Variants in RNGTT observed in about 807,000 individuals in gnomAD.
The protein encoded by RNGTT is RNA guanylyltransferase and 5'-phosphatase.
RNGTT carries 33 observed loss-of-function variants against 79.3 expected under a neutral mutation model. The observed-to-expected ratio is 0.42, with a 90% CI of 0.32 to 0.56. The LOEUF (loss-of-function observed/expected upper bound fraction) is 0.56. RNGTT is among the 20% of genes least tolerant of loss of function. The pLI is 0.17. For synonymous variants in RNGTT, 222 were observed against 235.9 expected (o/e 0.94, Z 0.54); for missense variants, 497 against 739.1 (o/e 0.67, Z 3.80).
chr6:88,697,411 C>T (rs900608005), intron 13 of RNGTT, among the ~76,000 whole-genome samples: 2 of 151,860 alleles, frequency 1.3e-5, no homozygotes, highest in Non-Finnish European at 2.9e-5. Flanking sequence ...ATTAGCCAGG[C>T]GTGGTGGCGG....
In RNGTT at chr6:88,952,857, G is replaced by A. The variant is rs937978102; in HGVS notation, c.64+10489C>T. Among the ~76,000 whole-genome samples, 7 of 152,244 alleles carry A rather than the reference G, an allele frequency of 4.6e-5. No individual in the cohort carries two copies. In the East Asian group the frequency reaches 1.2e-3, roughly 25 times the overall value. On this transcript the variant is annotated intron_variant, in intron 1 of 15. Coordinates refer to ENST00000369485, the MANE Select transcript of RNGTT (RefSeq NM_003800.5). ...CTCCACAGTGTGACTAGAACCAGAA[G>A]AGCAATAACAATCACACCAATCCAG...
intron 13 of RNGTT, among the ~76,000 whole-genome samples, chr6:88,716,178 AAAG>A (rs1169414791): frequency 6.6e-6 from 1 of 152,184 alleles, no homozygotes; most frequent in Non-Finnish European, 1.5e-5. Flanking sequence ...ACATTTCTCA[AAAG>A]AAGACATTTA....
intron 4 of RNGTT, among the ~76,000 whole-genome samples, chr6:88,924,684 T>C (rs535866408): frequency 6.6e-6 from 1 of 152,112 alleles, no homozygotes; most frequent in African/African-American, 2.4e-5. Flanking sequence ...GTTGTTGTTT[T>C]ATGTTTTATT....
chr6:88,679,100 T>C (rs1027095038), intron 13 of RNGTT, among the ~76,000 whole-genome samples: 7 of 152,094 alleles, frequency 4.6e-5, no homozygotes, highest in African/African-American at 7.2e-5. Flanking sequence ...TGTATGATGA[T>C]GCACCACCAC....
chr6:88,878,654 A>G (rs1392424874), intron 8 of RNGTT, among the ~76,000 whole-genome samples: 1 of 152,174 alleles, frequency 6.6e-6, no homozygotes, highest in East Asian at 1.9e-4. Context: ...AAATAATAAG[A>G]TAGGAGATAA....
chr6:88,956,185 A>C (rs1785425897), intron 1 of RNGTT, among the ~76,000 whole-genome samples: 1 of 152,054 alleles, frequency 6.6e-6, no homozygotes, highest in Admixed American at 6.5e-5. Flanking sequence ...CCGATACAAC[A>C]AAAATATAAA....
intron 13 of RNGTT, among the ~76,000 whole-genome samples, chr6:88,758,116 T>C (rs900690301): frequency 3.9e-5 from 6 of 152,188 alleles, no homozygotes; most frequent in Non-Finnish European, 7.4e-5. Context: ...TTGATAGTCT[T>C]TGTCTCTATA....
At chr6:88,914,778 C>G (rs1209920709) in intron 4 of RNGTT, among the ~76,000 whole-genome samples, 1 of 151,980 alleles carries the variant, frequency 6.6e-6, no homozygotes, top group African/African-American at 2.4e-5. Context: ...ACAAGTGGGA[C>G]ATAATTAAGC....
At chr6:88,840,003 A>G (rs1157948703) in intron 11 of RNGTT, among the ~76,000 whole-genome samples, 1 of 152,216 alleles carries the variant, frequency 6.6e-6, no homozygotes, top group African/African-American at 2.4e-5. Context: ...GATTTTAAAG[A>G]TACACATATG....
At chr6:88,702,186 A>G (rs1363831114) in intron 13 of RNGTT, among the ~76,000 whole-genome samples, 3 of 152,060 alleles carry the variant, frequency 2.0e-5, no homozygotes, top group Non-Finnish European at 4.4e-5. Flanking sequence ...AACTACCATC[A>G]TTTTTCACAG....
intron 14 of RNGTT, among the ~76,000 whole-genome samples, chr6:88,625,744 A>G (rs1772605277): frequency 6.6e-6 from 1 of 151,812 alleles, no homozygotes; most frequent in Non-Finnish European, 1.5e-5. Context: ...AGGTGAATAA[A>G]AACAAAAATA....
chr6:88,728,025 G>A (rs1355972997), intron 13 of RNGTT, among the ~76,000 whole-genome samples: 1 of 152,100 alleles, frequency 6.6e-6, no homozygotes, highest in Non-Finnish European at 1.5e-5. Context: ...TGTTCCTATA[G>A]TGGAAAGGGG....
At chr6:88,908,253 C>T (rs959406003) in intron 4 of RNGTT, among the ~76,000 whole-genome samples, 1 of 152,064 alleles carries the variant, frequency 6.6e-6, no homozygotes, top group African/African-American at 2.4e-5. Flanking sequence ...ATAAATTAGA[C>T]TATTTCAAAA....
chr6:88,809,860 G>A lies in RNGTT; in HGVS notation c.1270-8228C>T, dbSNP rs6905722. 5.2e-3 allele frequency among the ~76,000 whole-genome samples: 782 copies of A among 151,608 alleles called. 6 individuals carry two copies. Among genetic ancestry groups the A allele is most frequent in the Middle Eastern group, 0.01 (3 of 294 alleles). On this transcript the variant is annotated intron_variant, in intron 11 of 15. Transcript: ENST00000369485. ...GGCCAAGAGATTGAGACCAGCCTGG[G>A]CAACATAGTGAGACCCTGTCTCTAC...
intron 14 of RNGTT, among the ~76,000 whole-genome samples, chr6:88,633,629 T>A (rs898900198): frequency 6.6e-6 from 1 of 151,200 alleles, no homozygotes; most frequent in Non-Finnish European, 1.5e-5. Flanking sequence ...AACTAAAATG[T>A]TTTTTTTTAA....
chr6:88,623,558 T>C lies in RNGTT; in HGVS notation c.1507-9163A>G, dbSNP rs147949637. Among the ~76,000 whole-genome samples, 1,224 of 152,140 alleles carry C rather than the reference T, an allele frequency of 8.0e-3. 6 individuals are homozygous for C. Among genetic ancestry groups the C allele is most frequent in the Non-Finnish European group, 0.013 (854 of 67,938 alleles). On this transcript the variant is annotated intron_variant, in intron 14 of 15. Transcript: ENST00000369485. Reference sequence around the variant, plus strand: ...TTCTACAACCAAAATATAATCTTAGTATATGTGTTTCTTCTCTTACTGTCA... The same window carrying C: ...TTCTACAACCAAAATATAATCTTAGCATATGTGTTTCTTCTCTTACTGTCA...
rs1376938602 is a variant in RNGTT, at chr6:88,801,479, T to A, written c.1338+85A>T. 3 of 986,032 alleles carry A rather than the reference T, an allele frequency of 3.0e-6. No individual in the cohort carries two copies. In the Admixed American group the frequency reaches 6.0e-5, roughly 20 times the overall value. 61.1% of individuals were successfully genotyped at this position (986,032 alleles called of 1,614,324 possible). A position where few individuals can be genotyped will look rare whatever the true frequency, so the allele number is the denominator to read the frequency against. On this transcript the variant is annotated intron_variant, in intron 12 of 15. Coordinates refer to ENST00000369485, the MANE Select transcript of RNGTT (RefSeq NM_003800.5). ...CAAGTAAATAAGTTTGAGGCATACA[T>A]GTGTATGTGTATGTATATGTATATC...
intron 6 of RNGTT, among the ~76,000 whole-genome samples, chr6:88,900,527 A>T (rs975036232): frequency 6.6e-6 from 1 of 152,224 alleles, no homozygotes; most frequent in East Asian, 1.9e-4. Flanking sequence ...TGAGGTCAGG[A>T]GATCCACACA....
At chr6:88,733,458 A>T (rs1172372305) in intron 13 of RNGTT, among the ~76,000 whole-genome samples, 1 of 151,166 alleles carries the variant, frequency 6.6e-6, no homozygotes, top group African/African-American at 2.4e-5. Flanking sequence ...GGATGATTTT[A>T]AAAGGTTTAA....
Sources: gnomAD v4.1 joint callset for allele counts (sites outside exome capture counted in the v4.1 genomes callset) on GRCh38, gnomAD v4.1.1 for gene constraint, MANE v1.5 for transcripts, NCBI Gene and HGNC (gene_info 2026-07-23, HGNC 2026-07-21) for gene names.